MED12L: variants seen among roughly 807,000 people sequenced by gnomAD.
MED12L encodes the protein mediator complex subunit 12L, also known as mediator of RNA polymerase II transcription subunit 12-like protein.
MED12L carries 60 observed loss-of-function variants against 281.3 expected under a neutral mutation model. The observed-to-expected ratio is 0.21, with a 90% confidence interval of 0.17 to 0.26. The LOEUF (loss-of-function observed/expected upper bound fraction) is 0.26, where lower values mean the gene tolerates loss of function less well. Ranked by LOEUF, MED12L falls within the 10% of genes least tolerant of loss-of-function variation. The pLI, the probability that MED12L is intolerant of heterozygous loss-of-function variation, is 1.00. For synonymous variants in MED12L, 974 were observed against 987.2 expected, an observed-to-expected ratio of 0.99 and a Z score of 0.25; for missense variants, 2,146 against 2,680.9, an observed-to-expected ratio of 0.80 and a Z score of 4.41.
rs113218608 is a variant in MED12L, at chr3:151,382,622, A to C, written c.4591-34A>C. The stretch of plus-strand genomic sequence containing the variant: ...TTTATCTTTAAATGAGAGAAAAATT[A>C]AACTTTAATGGGGAGTTTTTTTCCG... On this transcript the variant is annotated intron_variant, in intron 32 of 44. Transcript: ENST00000687756. The C allele has an allele frequency of 1.0e-3, 1,513 of 1,503,878 alleles. 17 individuals are homozygous for C. The African/African-American group carries it at 0.019, about 18-fold the overall frequency. 93.2% of individuals were successfully genotyped at this position (1,503,878 alleles called of 1,614,324 possible).
chr3:151,175,281 A>T (rs1560121017), intron 11 of MED12L, among the ~76,000 whole-genome samples: 1 of 152,204 alleles, frequency 6.6e-6, no homozygotes, highest in Non-Finnish European at 1.5e-5. Flanking sequence ...TAATATGAAT[A>T]ATATCTTCTC....
chr3:151,096,075 G>A (rs1720669655), intron 2 of MED12L, among the ~76,000 whole-genome samples: 1 of 152,200 alleles, frequency 6.6e-6, no homozygotes, highest in African/African-American at 2.4e-5. Flanking sequence ...CTTTGGAAAG[G>A]TAATAAAAGA....
At position 151,385,113 on chromosome 3, in the gene MED12L, C is replaced by T. The variant is rs749005824; in HGVS notation, c.5010C>T (p.Ile1670=). 6.2e-7 allele frequency: 1 copy of T among 1,612,012 alleles called. No homozygotes were observed. The highest frequency in any genetic ancestry group is 2.2e-5 in the East Asian group (1 of 44,672). Residue 1670 remains isoleucine (I), a synonymous_variant, in exon 36 of 45, where the codon ATC becomes ATT. Coordinates refer to ENST00000687756, the MANE Select transcript of MED12L (RefSeq NM_001393769.1). ...TGCCGAAACAGACATGTGATGTCAT[C>T]ACTTGTGAACCTATGGGTTCCTTGA... ...LPLPKQTCDV[I]TCEPMGSLID...
chr3:151,392,669 A>T (rs1263758423), intron 38 of MED12L, among the ~76,000 whole-genome samples: 1 of 152,090 alleles, frequency 6.6e-6, no homozygotes, highest in Non-Finnish European at 1.5e-5. Context: ...ATACAAAAAC[A>T]TATGTATCTT....
intron 43 of MED12L, among the ~76,000 whole-genome samples, chr3:151,419,504 C>T (rs946142882): frequency 2.6e-5 from 4 of 152,150 alleles, no homozygotes; most frequent in Admixed American, 6.5e-5. Context: ...ATTAAGGGTG[C>T]GTCTGCCTTC....
At chr3:151,369,835 T>C (rs1178183722) in intron 26 of MED12L, among the ~76,000 whole-genome samples, 2 of 152,088 alleles carry the variant, frequency 1.3e-5, no homozygotes, top group Non-Finnish European at 2.9e-5. Flanking sequence ...ACCCACAGGG[T>C]TGTTTTGCCT....
In MED12L at chr3:151,214,395, T is replaced by G. The variant is rs1012319776; in HGVS notation, c.2250+20729T>G. ...AGGGCACTTATGGCCTCCAAGACAT[T>G]TGCTGAGTAATAAGGCAAAGGGCAA... On this transcript the variant is annotated intron_variant, in intron 16 of 44. Transcript: ENST00000687756. 8 of 1,224,216 alleles carry G rather than the reference T, an allele frequency of 6.5e-6. No homozygotes were observed. In the East Asian group the frequency reaches 1.9e-4, roughly 29 times the overall value. The allele number at this position is 1,224,216 out of a possible 1,614,324, so 75.8% of individuals were successfully genotyped here. A position where few individuals can be genotyped will look rare whatever the true frequency, so the allele number is the denominator to read the frequency against.
chr3:151,360,338 A>G (rs575365593), intron 20 of MED12L, 136 bp from the exon 21 acceptor site: 17 of 735,702 alleles, frequency 2.3e-5, no homozygotes, highest in Middle Eastern at 2.6e-4. Context: ...GTTATTTACT[A>G]TTCTATTTAT....
intron 43 of MED12L, among the ~76,000 whole-genome samples, chr3:151,417,775 C>T (rs2108400038): frequency 6.6e-6 from 1 of 152,180 alleles, no homozygotes; most frequent in East Asian, 1.9e-4. Flanking sequence ...CGGCCTATTC[C>T]CCATTTTTAA....
intron 40 of MED12L, among the ~76,000 whole-genome samples, chr3:151,410,291 G>A (rs889758095): frequency 1.6e-4 from 25 of 152,280 alleles, no homozygotes; most frequent in African/African-American, 5.8e-4. Flanking sequence ...ATCCCTCTGG[G>A]AATCAGGAAT....
chr3:151,335,122 T>A (rs560639670), intron 16 of MED12L, among the ~76,000 whole-genome samples: 47 of 152,290 alleles, frequency 3.1e-4, no homozygotes, highest in African/African-American at 1.0e-3. Context: ...AGGCATTCAT[T>A]TCTTTCTATT....
chr3:151,356,845 TA>T (rs1222989504), intron 19 of MED12L, among the ~76,000 whole-genome samples: 1 of 152,174 alleles, frequency 6.6e-6, no homozygotes, highest in African/African-American at 2.4e-5. Context: ...TTCCTTTGTT[TA>T]TTTTATAGGA....
At chr3:151,164,943 GTATACA>G (rs1015467515) in intron 9 of MED12L, among the ~76,000 whole-genome samples, 20 of 151,902 alleles carry the variant, frequency 1.3e-4, no homozygotes, top group Admixed American at 9.8e-4. Flanking sequence ...CATGGCGCAT[GTATACA>G]TATGTAACAA....
At chr3:151,214,238 C>A in intron 16 of MED12L, 2 of 1,613,930 alleles carry the variant, frequency 1.2e-6, no homozygotes, top group Non-Finnish European at 1.7e-6. Context: ...CAGTACAGCA[C>A]AGGAATGATC....
chr3:151,372,971 A>G (rs1214034930), intron 27 of MED12L, among the ~76,000 whole-genome samples: 1 of 152,204 alleles, frequency 6.6e-6, no homozygotes, highest in Admixed American at 6.5e-5. Context: ...ACTAATTTTT[A>G]CATTTTGCTA....
Position 151,180,463 on chromosome 3 carries a change from C to T in MED12L, c.1495-4867C>T, listed in dbSNP as rs868215217. On this transcript the variant is annotated intron_variant, in intron 11 of 44. Transcript: ENST00000687756. The stretch of plus-strand genomic sequence containing the variant: ...AGCATTTTGAGGATAGGGACAAGAT[C>T]TTTAAAATTTTTGTTTCCCCATGCC... Among the ~76,000 whole-genome samples, 6 of 152,302 alleles carry T rather than the reference C, an allele frequency of 3.9e-5. No homozygotes were observed. The South Asian group carries it at 1.2e-3, about 32-fold the overall frequency.
chr3:151,336,929 A>G (rs1751071484), intron 16 of MED12L: 1 of 155,992 alleles, frequency 6.4e-6, no homozygotes, highest in East Asian at 1.9e-4. Flanking sequence ...CTTTCCTCTC[A>G]GTAGTTATGC....
At chr3:151,286,437 G>C (rs1743517914) in intron 16 of MED12L, among the ~76,000 whole-genome samples, 1 of 152,130 alleles carries the variant, frequency 6.6e-6, no homozygotes, top group Non-Finnish European at 1.5e-5. Flanking sequence ...CCTTCTTGTG[G>C]TGTTAAGCAA....
At chr3:151,364,884 A>T in intron 21 of MED12L, 95 bp from the exon 22 acceptor site, 1 of 856,746 alleles carries the variant, frequency 1.2e-6, no homozygotes, top group East Asian at 2.4e-5. Context: ...GGAATGCATT[A>T]CAGTTCCTGC....
Sources: gnomAD v4.1 joint callset for allele counts (sites outside exome capture counted in the v4.1 genomes callset) on GRCh38, gnomAD v4.1.1 for gene constraint, MANE v1.5 for transcripts, NCBI Gene and HGNC (gene_info 2026-07-23, HGNC 2026-07-21) for gene names.